The following COL9A2 variants were observed in gnomAD, a reference collection of about 807,000 sequenced individuals.
COL9A2 encodes collagen type IX alpha 2 chain, also known as collagen alpha-2(IX) chain.
COL9A2 carries 66 observed loss-of-function variants against 111.6 expected under a neutral mutation model. The observed-to-expected ratio is 0.59, with a 90% CI of 0.48 to 0.73. The LOEUF (loss-of-function observed/expected upper bound fraction) is 0.73, where lower values mean the gene tolerates loss of function less well. Ranked by LOEUF, COL9A2 falls within the 30% of genes least tolerant of loss-of-function variation. COL9A2 has a pLI of 0.00. For synonymous variants in COL9A2, 353 were observed against 364.1 expected (o/e 0.97, Z 0.35); for missense variants, 881 against 954.1 (o/e 0.92, Z 1.01).
Position 40,302,849 on chromosome 1 carries a change from A to T in COL9A2, c.1604-40T>A. Reference sequence around the variant, plus strand: ...GGAGGGAGGGAGAGGGAAGTCTATGAGATGGGTGTCAGCAGTAACACTAGG... The same window carrying T: ...GGAGGGAGGGAGAGGGAAGTCTATGTGATGGGTGTCAGCAGTAACACTAGG... On this transcript the variant is annotated intron_variant, in intron 29 of 31. Transcript: ENST00000372748. The surrounding 1 kb of genome is among the most constrained non-coding windows in gnomAD (Gnocchi z 4.5). 1.3e-6 allele frequency: 2 copies of T among 1,530,780 alleles called. No individual in the cohort carries two copies. Among genetic ancestry groups the T allele is most frequent in the Non-Finnish European group, 1.8e-6 (2 of 1,135,358 alleles). The allele number at this position is 1,530,780 out of a possible 1,614,324, so 94.8% of individuals were successfully genotyped here.
Position 40,310,554 on chromosome 1 carries a change from T to G in COL9A2, c.684+160A>C, listed in dbSNP as rs947376378. ...TGCTGACAGCTTTGGTTCCTGTCCC[T>G]CATTCCTGACAATTTCAGCCTCCAT... On this transcript the variant is annotated intron_variant, in intron 13 of 31. Coordinates refer to ENST00000372748, the MANE Select transcript of COL9A2 (RefSeq NM_001852.4). This position sits in a 1 kb window ranked among gnomAD's most constrained non-coding sequence, Gnocchi z 4.9. 2.0e-5 allele frequency among the ~76,000 whole-genome samples: 3 copies of G among 152,146 alleles called. No individual in the cohort carries two copies. The South Asian group carries it at 6.2e-4, about 31-fold the overall frequency.
rs1644055394 is a variant in COL9A2 at position 40,307,881 on chromosome 1, AG to A, written c.901-126del. The A allele has an allele frequency of 9.5e-7, 1 of 1,056,270 alleles. No homozygotes were observed. The allele number at this position is 1,056,270 out of a possible 1,614,324, so 65.4% of individuals were successfully genotyped here. On this transcript the variant is annotated intron_variant, in intron 17 of 31. Transcript: ENST00000372748. The surrounding 1 kb of genome is among the most constrained non-coding windows in gnomAD (Gnocchi z 4.8). ...GGGAGTGGCTCTGGTCATCCCAGGAAGCCCCACTGGCCAACTGGGGGAGGGG... is the reference window on the plus strand; with the variant it reads ...GGGAGTGGCTCTGGTCATCCCAGGAACCCCACTGGCCAACTGGGGGAGGGG...
rs1036267607 is a variant in COL9A2 at position 40,300,856 on chromosome 1, T to A, written c.*326A>T. 2.1e-5 allele frequency: 6 copies of A among 282,508 alleles called. No individual in the cohort carries two copies. The highest frequency in any genetic ancestry group is 9.3e-5 in the Admixed American group (2 of 21,552). The allele number at this position is 282,508 out of a possible 1,614,324, so 17.5% of individuals were successfully genotyped here. On this transcript the variant is annotated 3_prime_UTR_variant, in exon 32 of 32. Coordinates refer to ENST00000372748, the MANE Select transcript of COL9A2 (RefSeq NM_001852.4). This position sits in a 1 kb window ranked among gnomAD's most constrained non-coding sequence, Gnocchi z 4.4. ...ATGTCCCACTGACCCAAGGACAAGATGGCCAGTGGAGAAAGGTGCAGATTA... is the reference window on the plus strand; with the variant it reads ...ATGTCCCACTGACCCAAGGACAAGAAGGCCAGTGGAGAAAGGTGCAGATTA...
In COL9A2 at chr1:40,311,093, C is replaced by A; in HGVS notation, c.630G>T (p.Pro210=). The change falls in exon 12 of 32, where the codon CCG becomes CCT. Residue 210 remains proline, a splice_region_variant and synonymous_variant. Coordinates refer to ENST00000372748, the MANE Select transcript of COL9A2 (RefSeq NM_001852.4). This position sits in a 1 kb window ranked among gnomAD's most constrained non-coding sequence, Gnocchi z 5.1. ...ILGDPGHQGK[P]GPKGDVGASG... ...CACAGCCCTCAGCCCTTGCACTCAC[C>A]GGCTTCCCCTGGTGGCCAGGATCAC... The A allele has an allele frequency of 6.2e-7, 1 of 1,614,080 alleles. No individual in the cohort carries two copies. Among genetic ancestry groups the A allele is most frequent in the Non-Finnish European group, 8.5e-7 (1 of 1,180,022 alleles).
chr1:40,302,126 CTG>C lies in COL9A2; in HGVS notation c.1793-239_1793-238del, dbSNP rs10555215. Among the ~76,000 whole-genome samples, 10,580 of 152,130 alleles carry C rather than the reference CTG, an allele frequency of 0.07. 724 individuals are homozygous for C. Among genetic ancestry groups the C allele is most frequent in the African/African-American group, 0.18 (7,653 of 41,442 alleles). Reference sequence around the variant, plus strand: ...CAAGCATAACAATATCTAGCATTTACTGTGTCTCAGTGAACTAAGACAAACTC... The same window carrying C: ...CAAGCATAACAATATCTAGCATTTACTGTCTCAGTGAACTAAGACAAACTC... On this transcript the variant is annotated intron_variant, in intron 30 of 31. Transcript: ENST00000372748. This position sits in a 1 kb window ranked among gnomAD's most constrained non-coding sequence, Gnocchi z 4.5.
chr1:40,308,030 GAAGA>G (rs2124073725), intron 17 of COL9A2, among the ~76,000 whole-genome samples, 158 bp downstream of exon 17: 1 of 152,328 alleles, frequency 6.6e-6, no homozygotes, highest in South Asian at 2.1e-4. Flanking sequence ...GTTTACAGGT[GAAGA>G]AACTGAGGCA....
chr1:40,315,181 A>C, intron 2 of COL9A2: 5 of 997,318 alleles, frequency 5.0e-6, no homozygotes, highest in Non-Finnish European at 6.0e-6. Flanking sequence ...ACCGAAGGGA[A>C]GAGACAGGAG....
rs759898343 is a variant in COL9A2 at position 40,316,733 on chromosome 1, G to C, written c.75+390C>G. 25 of 369,410 alleles carry C rather than the reference G, an allele frequency of 6.8e-5. No homozygotes were observed. Among genetic ancestry groups the C allele is most frequent in the Middle Eastern group, 6.7e-4 (1 of 1,502 alleles). 22.9% of individuals were successfully genotyped at this position (369,410 alleles called of 1,614,324 possible). A position where few individuals can be genotyped will look rare whatever the true frequency, so the allele number is the denominator to read the frequency against. On this transcript the variant is annotated intron_variant, in intron 1 of 31. Transcript: ENST00000372748. This position sits in a 1 kb window ranked among gnomAD's most constrained non-coding sequence, Gnocchi z 5.5. ...GCCGAGAGGCCGCCTCGGGGCGACAGCGGCGTCTGGTTGGAGCCGGCGCCC... is the reference window on the plus strand; with the variant it reads ...GCCGAGAGGCCGCCTCGGGGCGACACCGGCGTCTGGTTGGAGCCGGCGCCC...
At position 40,301,334 on chromosome 1, in the gene COL9A2, G is replaced by A. The variant is rs747162216; in HGVS notation, c.1918C>T (p.Arg640Ter). 2.5e-5 allele frequency: 41 copies of A among 1,610,218 alleles called. No homozygotes were observed. Among genetic ancestry groups the A allele is most frequent in the Non-Finnish European group, 2.6e-5 (31 of 1,177,552 alleles). The change falls in exon 32 of 32, where the codon CGA (arginine) becomes TGA (stop). Residue 640 changes from arginine to a stop codon, truncating the protein, a stop_gained. Coordinates refer to ENST00000372748, the MANE Select transcript of COL9A2 (RefSeq NM_001852.4). LOFTEE classifies it high-confidence loss of function. Reference sequence around the variant, plus strand: ...TCTCCTGGAGCCCCTGGGGACCCTCGATCTCCATCCTTGCCGTTGATTGCC... The same window carrying A: ...TCTCCTGGAGCCCCTGGGGACCCTCAATCTCCATCCTTGCCGTTGATTGCC... ...GQAINGKDGDRGSPGAPGEAG... is the reference protein window; with the variant it reads ...GQAINGKDGD
At position 40,310,092 on chromosome 1, in the gene COL9A2, G is replaced by A. The variant is rs1569741337; in HGVS notation, c.792+19C>T. ...TAGGAGCTCCAGCCTCAGGGGTAGG[G>A]GAGCAAAAAGAGGCTTACCGGTGGC... On this transcript the variant is annotated intron_variant, in intron 15 of 31. Transcript: ENST00000372748. The surrounding 1 kb of genome is among the most constrained non-coding windows in gnomAD (Gnocchi z 4.9). 1 of 1,613,972 alleles carries A rather than the reference G, an allele frequency of 6.2e-7. No individual in the cohort carries two copies. The highest frequency in any genetic ancestry group is 8.5e-7 in the Non-Finnish European group (1 of 1,179,880).
In COL9A2 at chr1:40,310,326, A is replaced by G. The variant is rs1644102174; in HGVS notation, c.685-9T>C. The G allele has an allele frequency of 6.2e-6, 10 of 1,613,800 alleles. No individual in the cohort carries two copies. In the South Asian group the frequency reaches 8.8e-5, roughly 14 times the overall value. On this transcript the variant is annotated splice_polypyrimidine_tract_variant and intron_variant, in intron 13 of 31. Transcript: ENST00000372748. This position sits in a 1 kb window ranked among gnomAD's most constrained non-coding sequence, Gnocchi z 4.9. ...CTGATGCCCTGGGGACCCTGTTGAG[A>G]AAGAAAAATGACAGCAATGGCAATT...
Position 40,310,681 on chromosome 1 carries a change from A to C in COL9A2, c.684+33T>G. ...CCATGAAGGGCTCCTGGGGTGAGGG[A>C]GAAGAGGGCCACTGAGGCAAGGTGT... On this transcript the variant is annotated intron_variant, in intron 13 of 31. Coordinates refer to ENST00000372748, the MANE Select transcript of COL9A2 (RefSeq NM_001852.4). This position sits in a 1 kb window ranked among gnomAD's most constrained non-coding sequence, Gnocchi z 4.9. The C allele has an allele frequency of 6.4e-7, 1 of 1,556,002 alleles. No homozygotes were observed. The highest frequency in any genetic ancestry group is 8.7e-7 in the Non-Finnish European group (1 of 1,146,330).
In COL9A2 at chr1:40,307,345, G is replaced by A; in HGVS notation, c.1008+101C>T. 1.8e-6 allele frequency: 2 copies of A among 1,139,950 alleles called. No homozygotes were observed. Among genetic ancestry groups the A allele is most frequent in the Non-Finnish European group, 2.6e-6 (2 of 770,574 alleles). 70.6% of individuals were successfully genotyped at this position (1,139,950 alleles called of 1,614,324 possible). A position where few individuals can be genotyped will look rare whatever the true frequency, so the allele number is the denominator to read the frequency against. ...CAGGGGCCACAGAGTTGGTAACAAG[G>A]CAAGAGGTGGTGATTGAGCAAGAGC... On this transcript the variant is annotated intron_variant, in intron 19 of 31. Transcript: ENST00000372748. This position sits in a 1 kb window ranked among gnomAD's most constrained non-coding sequence, Gnocchi z 4.8.
chr1:40,315,867 G>A (rs1644210971), intron 1 of COL9A2: 1 of 465,628 alleles, frequency 2.1e-6, no homozygotes. Context: ...ACCGGGAGGC[G>A]GGCGCTATTA....
chr1:40,316,537 A>G lies in COL9A2; in HGVS notation c.75+586T>C. 2.2e-6 allele frequency: 1 copy of G among 449,078 alleles called. No homozygotes were observed. The highest frequency in any genetic ancestry group is 4.5e-6 in the Non-Finnish European group (1 of 223,770). 27.8% of individuals were successfully genotyped at this position (449,078 alleles called of 1,614,324 possible). A position where few individuals can be genotyped will look rare whatever the true frequency, so the allele number is the denominator to read the frequency against. ...CCTTTTAAGAGGCCAGCTCGGACCC[A>G]GGCAGGGGTCCCGGTGCCCACGACC... On this transcript the variant is annotated intron_variant, in intron 1 of 31. Transcript: ENST00000372748. The surrounding 1 kb of genome is among the most constrained non-coding windows in gnomAD (Gnocchi z 5.5).
Position 40,316,454 on chromosome 1 carries a change from T to C in COL9A2, c.75+669A>G, listed in dbSNP as rs1203615518. Among the ~76,000 whole-genome samples, 2 of 152,178 alleles carry C rather than the reference T, an allele frequency of 1.3e-5. No homozygotes were observed. On this transcript the variant is annotated intron_variant, in intron 1 of 31. Coordinates refer to ENST00000372748, the MANE Select transcript of COL9A2 (RefSeq NM_001852.4). This position sits in a 1 kb window ranked among gnomAD's most constrained non-coding sequence, Gnocchi z 5.5. ...TATCAAGATGAGGCGAGCTCACAGC[T>C]GGAGAGTCTCCATCCTGCTGCCCAT...
chr1:40,314,421 C>T lies in COL9A2; in HGVS notation c.151-34G>A, dbSNP rs201863578. 3.4e-5 allele frequency: 55 copies of T among 1,614,030 alleles called. No homozygotes were observed. Among genetic ancestry groups the T allele is most frequent in the Middle Eastern group, 1.6e-4 (1 of 6,062 alleles). On this transcript the variant is annotated intron_variant, in intron 2 of 31. Transcript: ENST00000372748. This position sits in a 1 kb window ranked among gnomAD's most constrained non-coding sequence, Gnocchi z 4.1. ...TACAAGTTGGTGAGACAGCACACTACGGCTCACACTACCCCAAGTGGGCAC... is the reference window on the plus strand; with the variant it reads ...TACAAGTTGGTGAGACAGCACACTATGGCTCACACTACCCCAAGTGGGCAC...
chr1:40,303,513 C>A lies in COL9A2; in HGVS notation c.1548+17G>T, dbSNP rs74366749. The A allele has an allele frequency of 1.9e-6, 3 of 1,612,664 alleles. No homozygotes were observed. Among genetic ancestry groups the A allele is most frequent in the African/African-American group, 2.7e-5 (2 of 74,894 alleles). ...TCTACCTAGAAGAAGCACCTCCTACCCCGGGGCCCGACTCACCTCCACGCC... is the reference window on the plus strand; with the variant it reads ...TCTACCTAGAAGAAGCACCTCCTACACCGGGGCCCGACTCACCTCCACGCC... On this transcript the variant is annotated intron_variant, in intron 28 of 31. Transcript: ENST00000372748. The surrounding 1 kb of genome is among the most constrained non-coding windows in gnomAD (Gnocchi z 4.6).
chr1:40,313,770 C>T (rs1644169297), intron 4 of COL9A2, among the ~76,000 whole-genome samples: 1 of 152,114 alleles, frequency 6.6e-6, no homozygotes, highest in African/African-American at 2.4e-5. Flanking sequence ...CTTGGGGGCC[C>T]CCTGGGAGCT....
Sources: gnomAD v4.1 joint callset for allele counts (sites outside exome capture counted in the v4.1 genomes callset) on GRCh38, gnomAD v4.1.1 for gene constraint, Gnocchi (gnomAD v3.1) non-coding constraint, MANE v1.5 for transcripts, NCBI Gene and HGNC (gene_info 2026-07-23, HGNC 2026-07-21) for gene names.